The following PLCG2 variants were observed in gnomAD, a reference collection of about 807,000 sequenced individuals.
PLCG2 encodes the protein phospholipase C gamma 2, also known as 1-phosphatidylinositol 4,5-bisphosphate phosphodiesterase gamma-2.
In PLCG2, 69 loss-of-function variants were observed where a neutral mutation model predicts 175.6. The observed-to-expected ratio is 0.39, with a 90% CI of 0.32 to 0.48. PLCG2 has a LOEUF of 0.48. PLCG2 is among the 20% of genes least tolerant of loss of function. The pLI is 0.91. For missense variants in PLCG2, 1,798 were observed against 1,650.9 expected, an observed-to-expected ratio of 1.09 and a Z score of -1.54; for synonymous variants, 827 against 624.0, an observed-to-expected ratio of 1.33 and a Z score of -4.85.
chr16:81,862,733 G>A (rs1024296563), intron 5 of PLCG2, among the ~76,000 whole-genome samples: 2 of 152,010 alleles, frequency 1.3e-5, no homozygotes, highest in Admixed American at 6.6e-5. Context: ...TTAGCTGGGT[G>A]TAGTGGTGCA....
chr16:81,913,128 A>C (rs564395653), intron 19 of PLCG2, among the ~76,000 whole-genome samples: 3 of 152,254 alleles, frequency 2.0e-5, no homozygotes, highest in South Asian at 4.2e-4. Context: ...TTTCCTCCCA[A>C]CTGCAGCTGC....
At chr16:81,822,632 C>G (rs373339057) in intron 2 of PLCG2, among the ~76,000 whole-genome samples, 2 of 151,794 alleles carry the variant, frequency 1.3e-5, no homozygotes, top group East Asian at 1.9e-4. Flanking sequence ...TGGCGTGTAC[C>G]TGTAATCCCA....
chr16:81,952,045 A>C (rs748230129), intron 31 of PLCG2, among the ~76,000 whole-genome samples: 23 of 152,144 alleles, frequency 1.5e-4, no homozygotes, highest in Non-Finnish European at 2.8e-4. Flanking sequence ...TGTGGGAGGA[A>C]GGGACAAATG....
At chr16:81,824,763 C>A (rs1276694245) in intron 2 of PLCG2, among the ~76,000 whole-genome samples, 1 of 152,008 alleles carries the variant, frequency 6.6e-6, no homozygotes, top group East Asian at 1.9e-4. Context: ...TGGTGACTCC[C>A]TGCACATACC....
In PLCG2 at chr16:81,956,876, A is replaced by G. The variant is rs368482871; in HGVS notation, c.3752A>G (p.Lys1251Arg). 1 of 1,613,142 alleles carries G rather than the reference A, an allele frequency of 6.2e-7. No homozygotes were observed. Among genetic ancestry groups the G allele is most frequent in the African/African-American group, 1.3e-5 (1 of 74,928 alleles). The change falls in exon 32 of 33, where the codon AAG becomes AGG. Residue 1251 changes from lysine (K) to arginine (R), a missense_variant. Lys to Arg is a conservative substitution (Grantham distance 26). Transcript: ENST00000564138. ...CAGCTGTACCAGGAGAAATGCAACA[A>G]GAGGTAGGTCAGCCCCTCCACCTGC... ...QLQLYQEKCN[K>R]RLREKRVSNS...
intron 2 of PLCG2, among the ~76,000 whole-genome samples, chr16:81,837,233 G>A (rs1323787118): frequency 1.3e-5 from 2 of 152,212 alleles, no homozygotes; most frequent in East Asian, 1.9e-4. Flanking sequence ...CAAATGAAAG[G>A]CTGTTGTTGA....
chr16:81,938,905 G>A lies in PLCG2; in HGVS notation c.3303G>A (p.Thr1101=), dbSNP rs765973472. The change falls in exon 29 of 33, where the codon ACG becomes ACA. Residue 1101 remains threonine, a synonymous_variant. Coordinates refer to ENST00000564138, the MANE Select transcript of PLCG2 (RefSeq NM_002661.5). ...GAEYDNNKFK[T]TVVNDNGLSP... is the part of the protein sequence containing the mutation. ...AGTATGACAACAACAAGTTCAAGACGACGGTTGTGAGTAAGTCAGTCACCT... is the reference window on the plus strand; with the variant it reads ...AGTATGACAACAACAAGTTCAAGACAACGGTTGTGAGTAAGTCAGTCACCT... 7.5e-6 allele frequency: 12 copies of A among 1,601,716 alleles called. No individual in the cohort carries two copies. The highest frequency in any genetic ancestry group is 6.7e-5 in the East Asian group (3 of 44,810).
intron 2 of PLCG2, among the ~76,000 whole-genome samples, chr16:81,828,087 T>A: frequency 9.2e-6 from 1 of 108,110 alleles, no homozygotes; most frequent in African/African-American, 4.2e-5. Flanking sequence ...CAAAACTCCG[T>A]CTCAAAAAAA....
intron 32 of PLCG2, among the ~76,000 whole-genome samples, chr16:81,957,178 A>G (rs1470224490): frequency 5.3e-5 from 8 of 152,154 alleles, no homozygotes; most frequent in Non-Finnish European, 4.4e-5. Flanking sequence ...GGGCGCCTGT[A>G]ATCCCAGCTA....
intron 2 of PLCG2, among the ~76,000 whole-genome samples, chr16:81,814,504 C>T (rs1904451284): frequency 6.6e-6 from 1 of 152,008 alleles, no homozygotes; most frequent in Non-Finnish European, 1.5e-5. Context: ...ACCAGCCTGG[C>T]CAAAATGGTG....
At chr16:81,836,763 C>A (rs543354244) in intron 2 of PLCG2, among the ~76,000 whole-genome samples, 2 of 152,192 alleles carry the variant, frequency 1.3e-5, no homozygotes, top group Admixed American at 1.3e-4. Flanking sequence ...AACTTTGGAG[C>A]CTGGCCATTC....
At chr16:81,754,180 C>T (rs1030270715) in intron 1 of PLCG2, among the ~76,000 whole-genome samples, 4 of 151,880 alleles carry the variant, frequency 2.6e-5, no homozygotes, top group African/African-American at 9.7e-5. Flanking sequence ...CCGTCTCCAC[C>T]TCCACCTGAG....
chr16:81,777,124 A>G (rs1035924244), upstream of PLCG2, among the ~76,000 whole-genome samples: 1 of 15,656 alleles, frequency 6.4e-5, no homozygotes, highest in Admixed American at 3.5e-4. Context: ...TAGATTAAAC[A>G]GAGAAACCTG....
intron 2 of PLCG2, among the ~76,000 whole-genome samples, chr16:81,825,574 C>A (rs551626671): frequency 6.6e-6 from 1 of 152,038 alleles, no homozygotes; most frequent in East Asian, 1.9e-4. Flanking sequence ...GGATTATAGG[C>A]GTGAGCCACC....
chr16:81,848,763 G>A (rs556112311), intron 2 of PLCG2, among the ~76,000 whole-genome samples: 1 of 152,208 alleles, frequency 6.6e-6, no homozygotes, highest in Admixed American at 6.5e-5. Context: ...TGGTGAAGAA[G>A]GGTGTACAAT....
At chr16:81,848,177 C>G (rs748111018) in intron 2 of PLCG2, among the ~76,000 whole-genome samples, 6 of 152,220 alleles carry the variant, frequency 3.9e-5, no homozygotes, top group Non-Finnish European at 8.8e-5. Context: ...TAGACCCACA[C>G]AAATATCATC....
intron 9 of PLCG2, among the ~76,000 whole-genome samples, chr16:81,884,099 C>T (rs1358589404): frequency 6.6e-6 from 1 of 152,202 alleles, no homozygotes; most frequent in Non-Finnish European, 1.5e-5. Context: ...GCCTATAATC[C>T]CAGCACTTTG....
At chr16:81,836,271 A>G (rs1905510371) in intron 2 of PLCG2, among the ~76,000 whole-genome samples, 1 of 152,192 alleles carries the variant, frequency 6.6e-6, no homozygotes, top group Non-Finnish European at 1.5e-5. Flanking sequence ...AAGGTCACAC[A>G]GTAAGGTAGT....
intron 2 of PLCG2, among the ~76,000 whole-genome samples, chr16:81,803,714 C>T (rs1006613988): frequency 1.5e-4 from 20 of 135,972 alleles, no homozygotes; most frequent in Admixed American, 1.3e-3. Flanking sequence ...TACAGTCTCA[C>T]TGTGTCGGTC....
Sources: gnomAD v4.1 joint callset for allele counts (sites outside exome capture counted in the v4.1 genomes callset) on GRCh38, gnomAD v4.1.1 for gene constraint, MANE v1.5 for transcripts, NCBI Gene and HGNC (gene_info 2026-07-23, HGNC 2026-07-21) for gene names.